Variants in SEMA6D observed in about 807,000 individuals in gnomAD.
SEMA6D encodes semaphorin 6D.
In SEMA6D, 35 loss-of-function variants were observed where a neutral mutation model predicts 106.6. That is an observed-to-expected ratio of 0.33 (90% CI 0.25 to 0.44). The LOEUF is 0.44. Ranked by LOEUF, SEMA6D falls within the 20% of genes least tolerant of loss-of-function variation. The pLI, the probability that SEMA6D is intolerant of heterozygous loss-of-function variation, is 1.00. For synonymous variants in SEMA6D, 499 were observed against 487.7 expected, an observed-to-expected ratio of 1.02 and a Z score of -0.31; for missense variants, 1,185 against 1,345.9, an observed-to-expected ratio of 0.88 and a Z score of 1.87.
chr15:47,460,702 A>G (rs377117045), intron 2 of SEMA6D, among the ~76,000 whole-genome samples: 4 of 152,110 alleles, frequency 2.6e-5, no homozygotes, highest in East Asian at 3.9e-4. Context: ...TATTGCAAAA[A>G]TTTCCTAATT....
chr15:47,260,648 C>T (rs1212100817), intron 1 of SEMA6D, among the ~76,000 whole-genome samples: 6 of 152,196 alleles, frequency 3.9e-5, no homozygotes, highest in African/African-American at 1.4e-4. Flanking sequence ...GGATCTCAGG[C>T]CCATGGGGCA....
chr15:47,476,538 T>C (rs2043005089), intron 3 of SEMA6D, among the ~76,000 whole-genome samples: 2 of 152,158 alleles, frequency 1.3e-5, no homozygotes, highest in African/African-American at 2.4e-5. Context: ...CTTAAAATTA[T>C]GTAGTATTTC....
intron 1 of SEMA6D, among the ~76,000 whole-genome samples, chr15:47,372,327 A>C (rs1316410389): frequency 6.6e-6 from 1 of 152,198 alleles, no homozygotes; most frequent in Non-Finnish European, 1.5e-5. Flanking sequence ...GATCAGACAT[A>C]CCTGGCCTGG....
chr15:47,456,636 A>C (rs1032037497), intron 2 of SEMA6D, among the ~76,000 whole-genome samples: 13 of 152,058 alleles, frequency 8.5e-5, no homozygotes, highest in Non-Finnish European at 8.8e-5. Context: ...TAAAGAAAAA[A>C]ATAATAATAT....
At chr15:47,455,211 G>A (rs541905601) in intron 2 of SEMA6D, among the ~76,000 whole-genome samples, 1 of 151,816 alleles carries the variant, frequency 6.6e-6, no homozygotes, top group Non-Finnish European at 1.5e-5. Flanking sequence ...GAGTTGGCAG[G>A]ACAATTGGAA....
chr15:47,432,613 A>C (rs2041574343), intron 2 of SEMA6D, among the ~76,000 whole-genome samples: 1 of 44,376 alleles, frequency 2.3e-5, no homozygotes, highest in African/African-American at 7.6e-5. Flanking sequence ...ACATATACAC[A>C]CACAATTAGT....
chr15:47,451,526 G>A (rs180819387), intron 2 of SEMA6D, among the ~76,000 whole-genome samples: 1 of 152,070 alleles, frequency 6.6e-6, no homozygotes, highest in African/African-American at 2.4e-5. Flanking sequence ...GACTGGATGA[G>A]GAGTGAGAAA....
chr15:47,194,307 T>C (rs548955822), intron 1 of SEMA6D, among the ~76,000 whole-genome samples: 1 of 152,292 alleles, frequency 6.6e-6, no homozygotes, highest in South Asian at 2.1e-4. Context: ...TTCTGGTACC[T>C]AATGTCTTAA....
chr15:47,342,877 A>AT (rs764478230), intron 1 of SEMA6D, among the ~76,000 whole-genome samples: 38 of 151,934 alleles, frequency 2.5e-4, no homozygotes, highest in African/African-American at 5.1e-4. Context: ...CACCCAGCTA[A>AT]TTTTTTTGTA....
chr15:47,412,757 G>T (rs188990273), intron 2 of SEMA6D, among the ~76,000 whole-genome samples: 2 of 152,132 alleles, frequency 1.3e-5, no homozygotes, highest in Non-Finnish European at 2.9e-5. Context: ...ATGAAACTAC[G>T]TGTATTCAGA....
chr15:47,494,157 C>T (rs2043559604), intron 3 of SEMA6D, among the ~76,000 whole-genome samples: 1 of 152,146 alleles, frequency 6.6e-6, no homozygotes, highest in African/African-American at 2.4e-5. Context: ...CCAGTTATTA[C>T]TGTGGCCTAA....
At chr15:47,626,697 T>C (rs772597365) in intron 4 of SEMA6D, among the ~76,000 whole-genome samples, 8 of 152,334 alleles carry the variant, frequency 5.3e-5, no homozygotes, top group Admixed American at 1.3e-4. Context: ...CCTTTGTTTC[T>C]GAGCTTTTCC....
At chr15:47,589,084 T>C (rs1244470889) in intron 3 of SEMA6D, among the ~76,000 whole-genome samples, 1 of 152,174 alleles carries the variant, frequency 6.6e-6, no homozygotes, top group Non-Finnish European at 1.5e-5. Context: ...GTGTTTCATG[T>C]TCTGAGCAGC....
chr15:47,652,646 T>C (rs2077714693), intron 4 of SEMA6D, among the ~76,000 whole-genome samples: 1 of 152,226 alleles, frequency 6.6e-6, no homozygotes, highest in Non-Finnish European at 1.5e-5. Flanking sequence ...TGCTTTCCCT[T>C]GGTGCTTGCC....
intron 1 of SEMA6D, among the ~76,000 whole-genome samples, chr15:47,388,950 A>G (rs2039935824): frequency 6.6e-6 from 1 of 152,336 alleles, no homozygotes. Context: ...ATTATCTGGT[A>G]CAAAACTCAT....
chr15:47,312,904 C>T (rs1217378643), intron 1 of SEMA6D, among the ~76,000 whole-genome samples: 1 of 152,140 alleles, frequency 6.6e-6, no homozygotes, highest in African/African-American at 2.4e-5. Context: ...TCAGTTGCCA[C>T]ATGGGATTGG....
chr15:47,761,108 CAA>C, intron 4 of SEMA6D, 48 bp from the exon 5 acceptor site: 2 of 1,611,536 alleles, frequency 1.2e-6, no homozygotes, highest in East Asian at 2.2e-5. Flanking sequence ...ACTGCCTCCC[CAA>C]AAATGTTCGC....
intron 1 of SEMA6D, among the ~76,000 whole-genome samples, chr15:47,407,513 G>C (rs1227442299): frequency 6.6e-6 from 1 of 151,820 alleles, no homozygotes. Context: ...TTAGGCTGTC[G>C]TTGTTACAAA....
chr15:47,454,231 A>G (rs992091662), intron 2 of SEMA6D, among the ~76,000 whole-genome samples: 2 of 151,998 alleles, frequency 1.3e-5, no homozygotes, highest in African/African-American at 4.8e-5. Context: ...CTAAAAATTT[A>G]TGGTTTAGTT....
Sources: gnomAD v4.1 joint callset for allele counts (sites outside exome capture counted in the v4.1 genomes callset) on GRCh38, gnomAD v4.1.1 for gene constraint, MANE v1.5 for transcripts, NCBI Gene and HGNC (gene_info 2026-07-23, HGNC 2026-07-21) for gene names.